Variants in DSCAM observed in about 807,000 individuals in gnomAD.
DSCAM encodes the protein DS cell adhesion molecule, also known as cell adhesion molecule DSCAM.
In DSCAM, 47 loss-of-function variants were observed where a neutral mutation model predicts 217.7. The ratio of observed to expected loss-of-function variants is 0.22; its 90% CI spans 0.17 to 0.28. The LOEUF (loss-of-function observed/expected upper bound fraction) is 0.28. Ranked by LOEUF, DSCAM falls within the 10% of genes least tolerant of loss-of-function variation. The pLI, the probability that DSCAM is intolerant of heterozygous loss-of-function variation, is 1.00. For synonymous variants in DSCAM, 1,056 were observed against 1,015.3 expected (o/e 1.04, Z -0.76); for missense variants, 2,080 against 2,618.3 (o/e 0.79, Z 4.49).
chr21:40,487,324 T>TGAGA (rs751088270), intron 3 of DSCAM, among the ~76,000 whole-genome samples: 2,407 of 76,034 alleles, frequency 0.032, 27 homozygotes, highest in Non-Finnish European at 0.052. Context: ...TGTGTGTGTG[T>TGAGA]GTGAGAGAGA....
rs558206745 is a variant in DSCAM, at chr21:40,196,559, T to C, written c.2357-7321A>G. Among the ~76,000 whole-genome samples, 11 of 152,030 alleles carry C rather than the reference T, an allele frequency of 7.2e-5. No homozygotes were observed. The South Asian group carries it at 1.3e-3, about 17-fold the overall frequency. On this transcript the variant is annotated intron_variant, in intron 11 of 32. Coordinates refer to ENST00000400454, the MANE Select transcript of DSCAM (RefSeq NM_001389.5). ...TCCCCAAGGTCTTTTCCCCCACTAA[T>C]TGCCATTTCCCCTCCTTCTCCTTTT... is the stretch of plus-strand genomic sequence containing the variant.
At chr21:40,379,231 G>A (rs1200833994) in intron 3 of DSCAM, among the ~76,000 whole-genome samples, 1 of 152,170 alleles carries the variant, frequency 6.6e-6, no homozygotes, top group Non-Finnish European at 1.5e-5. Flanking sequence ...CCACTGTCAC[G>A]TATTTGAGTA....
intron 3 of DSCAM, among the ~76,000 whole-genome samples, chr21:40,520,760 T>C (rs1445648895): frequency 5.3e-5 from 8 of 152,142 alleles, no homozygotes; most frequent in African/African-American, 1.9e-4. Flanking sequence ...TGAGCCGAGA[T>C]TGTGCCACTG....
chr21:40,692,140 G>A (rs1445129872), intron 3 of DSCAM, among the ~76,000 whole-genome samples: 3 of 152,222 alleles, frequency 2.0e-5, no homozygotes, highest in Admixed American at 2.0e-4. Context: ...CATTATCCAA[G>A]GATGTAAGAA....
chr21:40,064,116 G>GTATATATATA (rs35690892), intron 27 of DSCAM, among the ~76,000 whole-genome samples: 29 of 149,130 alleles, frequency 1.9e-4, no homozygotes, highest in African/African-American at 6.7e-4. Flanking sequence ...CACTTACAAA[G>GTATATATATA]TATATATATA....
chr21:40,532,677 A>G (rs1005925649), intron 3 of DSCAM, among the ~76,000 whole-genome samples: 1 of 152,182 alleles, frequency 6.6e-6, no homozygotes, highest in African/African-American at 2.4e-5. Flanking sequence ...TAAGATGGCC[A>G]AGGGCATCCT....
At chr21:40,062,019 ACACAT>A (rs1323012812) in intron 28 of DSCAM, among the ~76,000 whole-genome samples, 15 of 152,206 alleles carry the variant, frequency 9.9e-5, no homozygotes, top group Admixed American at 9.8e-4. Flanking sequence ...GGGTGAGGTA[ACACAT>A]CAGGCAATTA....
chr21:40,415,663 T>C (rs1041146330), intron 3 of DSCAM, among the ~76,000 whole-genome samples: 2 of 152,204 alleles, frequency 1.3e-5, no homozygotes, highest in African/African-American at 4.8e-5. Context: ...ACTGCACAAA[T>C]GCCTCTATCC....
intron 3 of DSCAM, among the ~76,000 whole-genome samples, chr21:40,583,790 G>A (rs1394057879): frequency 6.6e-6 from 1 of 151,910 alleles, no homozygotes; most frequent in African/African-American, 2.4e-5. Flanking sequence ...TCTTGCGGGG[G>A]ATGCTGATAA....
intron 2 of DSCAM, among the ~76,000 whole-genome samples, chr21:40,708,128 A>G (rs1470096646): frequency 6.6e-6 from 1 of 152,034 alleles, no homozygotes; most frequent in Non-Finnish European, 1.5e-5. Context: ...AGTGGGAAAA[A>G]AGGAGGGGTG....
chr21:40,513,912 C>T (rs2076279680), intron 3 of DSCAM, among the ~76,000 whole-genome samples: 1 of 152,100 alleles, frequency 6.6e-6, no homozygotes, highest in Non-Finnish European at 1.5e-5. Context: ...AAATACCCTC[C>T]AGGCACCAGA....
chr21:40,137,260 AT>A (rs1392554586), intron 18 of DSCAM, among the ~76,000 whole-genome samples: 72 of 43,334 alleles, frequency 1.7e-3, no homozygotes, highest in African/African-American at 4.2e-3. Flanking sequence ...TAGAATTAAC[AT>A]TGGGGGGGGG....
intron 3 of DSCAM, among the ~76,000 whole-genome samples, chr21:40,403,548 G>A (rs892363486): frequency 3.3e-5 from 5 of 151,720 alleles, no homozygotes; most frequent in African/African-American, 9.7e-5. Context: ...TTATACAGCC[G>A]ATTTCTTACA....
At chr21:40,555,784 C>G (rs990208251) in intron 3 of DSCAM, among the ~76,000 whole-genome samples, 1 of 152,240 alleles carries the variant, frequency 6.6e-6, no homozygotes, top group Non-Finnish European at 1.5e-5. Context: ...AGGTGTCCAC[C>G]ACCATGCTTG....
intron 3 of DSCAM, among the ~76,000 whole-genome samples, chr21:40,424,706 T>C (rs2075455893): frequency 1.3e-5 from 2 of 152,232 alleles, no homozygotes; most frequent in East Asian, 1.9e-4. Flanking sequence ...AACAACGATA[T>C]GCCTGAGGAC....
chr21:40,683,098 C>T (rs1319627319), intron 3 of DSCAM, among the ~76,000 whole-genome samples: 2 of 152,178 alleles, frequency 1.3e-5, no homozygotes, highest in African/African-American at 4.8e-5. Context: ...GCAGCCTGAT[C>T]TCAATCTTCT....
intron 11 of DSCAM, among the ~76,000 whole-genome samples, chr21:40,250,367 T>C (rs2837534): frequency 0.51 from 76,903 of 152,044 alleles, 20,400 homozygotes; most frequent in African/African-American, 0.66. Context: ...TAAGGTTGTA[T>C]CAAGACAGGA....
At chr21:40,531,865 C>T (rs1418381524) in intron 3 of DSCAM, among the ~76,000 whole-genome samples, 1 of 152,186 alleles carries the variant, frequency 6.6e-6, no homozygotes, top group African/African-American at 2.4e-5. Flanking sequence ...CCACTCAATG[C>T]TCTGCACAGC....
chr21:40,140,479 T>C (rs1282531844), intron 18 of DSCAM, among the ~76,000 whole-genome samples: 1 of 152,208 alleles, frequency 6.6e-6, no homozygotes, highest in African/African-American at 2.4e-5. Flanking sequence ...ATATGGGTGA[T>C]GTGGATGAAG....
Sources: gnomAD v4.1 joint callset for allele counts (sites outside exome capture counted in the v4.1 genomes callset) on GRCh38, gnomAD v4.1.1 for gene constraint, MANE v1.5 for transcripts, NCBI Gene and HGNC (gene_info 2026-07-23, HGNC 2026-07-21) for gene names.